The following PDS5B variants were observed in gnomAD, a reference collection of about 807,000 sequenced individuals.
The protein encoded by PDS5B is PDS5 cohesin associated factor B, also known as sister chromatid cohesion protein PDS5 homolog B.
In PDS5B, 51 loss-of-function variants were observed where a neutral mutation model predicts 184.1. That is an observed-to-expected ratio of 0.28 (90% CI 0.22 to 0.35). The LOEUF (loss-of-function observed/expected upper bound fraction) is 0.35, where lower values mean the gene tolerates loss of function less well. Ranked by LOEUF, PDS5B falls within the 10% of genes least tolerant of loss-of-function variation. PDS5B has a pLI of 1.00. For missense variants in PDS5B, 1,180 were observed against 1,723.3 expected, an observed-to-expected ratio of 0.68 and a Z score of 5.58; for synonymous variants, 566 against 569.2, an observed-to-expected ratio of 0.99 and a Z score of 0.08.
intron 1 of PDS5B, among the ~76,000 whole-genome samples, chr13:32,617,864 C>G (rs1040964070): frequency 2.6e-5 from 4 of 152,142 alleles, no homozygotes; most frequent in Non-Finnish European, 5.9e-5. Context: ...TGATTACTAA[C>G]TTAGTCCCAT....
intron 33 of PDS5B, among the ~76,000 whole-genome samples, chr13:32,772,290 A>G (rs1593665871): frequency 6.6e-6 from 1 of 152,164 alleles, no homozygotes; most frequent in Non-Finnish European, 1.5e-5. Flanking sequence ...AGATGGTTCT[A>G]TTACATATTT....
At chr13:32,630,252 C>T (rs1035516564) in intron 1 of PDS5B, among the ~76,000 whole-genome samples, 1 of 152,150 alleles carries the variant, frequency 6.6e-6, no homozygotes, top group Non-Finnish European at 1.5e-5. Context: ...TCCTGAAGAC[C>T]ATTTATGGGT....
chr13:32,775,568 C>T lies in PDS5B; in HGVS notation c.*516C>T, dbSNP rs114477441. 8.9e-4 allele frequency: 382 copies of T among 431,196 alleles called. 1 individual carries two copies. The highest frequency in any genetic ancestry group is 7.2e-3 in the African/African-American group (351 of 48,832). 26.7% of individuals were successfully genotyped at this position (431,196 alleles called of 1,614,324 possible). A position where few individuals can be genotyped will look rare whatever the true frequency, so the allele number is the denominator to read the frequency against. The stretch of plus-strand genomic sequence containing the variant: ...TGTTGGAGAGTTAAATGGTCTCTTC[C>T]CTTTGTGTATCTTACCTAGTGTTTA... On this transcript the variant is annotated 3_prime_UTR_variant, in exon 35 of 35. Transcript: ENST00000315596.
chr13:32,698,543 T>C (rs1951772425), intron 15 of PDS5B, among the ~76,000 whole-genome samples: 1 of 152,170 alleles, frequency 6.6e-6, no homozygotes, highest in Non-Finnish European at 1.5e-5. Context: ...TGCAGATTTT[T>C]TTCTATTACA....
chr13:32,718,823 G>A (rs1411918093), intron 19 of PDS5B, among the ~76,000 whole-genome samples: 1 of 152,142 alleles, frequency 6.6e-6, no homozygotes, highest in Non-Finnish European at 1.5e-5. Flanking sequence ...TATTATGGGA[G>A]TAAACATCAG....
At chr13:32,703,407 G>T (rs1332693798) in intron 17 of PDS5B, among the ~76,000 whole-genome samples, 2 of 152,120 alleles carry the variant, frequency 1.3e-5, no homozygotes, top group Admixed American at 6.5e-5. Context: ...GAATCAGAAG[G>T]TCATAGTGAT....
At chr13:32,704,704 T>C (rs1593467766) in intron 17 of PDS5B, among the ~76,000 whole-genome samples, 1 of 152,340 alleles carries the variant, frequency 6.6e-6, no homozygotes, top group South Asian at 2.1e-4. Context: ...GAGGAAGTTC[T>C]TTCATCCCTC....
rs1951768799 is a variant in PDS5B, at chr13:32,698,401, T to C, written c.1601-1329T>C. On this transcript the variant is annotated intron_variant, in intron 15 of 34. Coordinates refer to ENST00000315596, the MANE Select transcript of PDS5B (RefSeq NM_015032.4). ...CTACTAGTGGTCTTTGGAACACAGA[T>C]TGCGAAGTGCTGCACTAGCAGTTTT... 2.0e-5 allele frequency among the ~76,000 whole-genome samples: 3 copies of C among 152,192 alleles called. No homozygotes were observed. In the South Asian group the frequency reaches 6.2e-4, roughly 32 times the overall value.
At chr13:32,602,614 T>C (rs1351358257) in intron 1 of PDS5B, among the ~76,000 whole-genome samples, 1 of 152,228 alleles carries the variant, frequency 6.6e-6, no homozygotes, top group Non-Finnish European at 1.5e-5. Context: ...ATATACCCAG[T>C]AATGGGATGG....
At chr13:32,685,949 A>C (rs1333466125) in intron 11 of PDS5B, among the ~76,000 whole-genome samples, 1 of 152,174 alleles carries the variant, frequency 6.6e-6, no homozygotes, top group African/African-American at 2.4e-5. Flanking sequence ...CTGAAATCTT[A>C]TAAGACCTGT....
At chr13:32,594,276 C>CTG (rs1555285447) in intron 1 of PDS5B, among the ~76,000 whole-genome samples, 1 of 151,870 alleles carries the variant, frequency 6.6e-6, no homozygotes, top group African/African-American at 2.4e-5. Flanking sequence ...TGCAGGGAGA[C>CTG]TGTGTGGCAA....
In PDS5B at chr13:32,655,376, T is replaced by TATATA. The variant is rs1566290689; in HGVS notation, c.313-2863_313-2862insATATA. ...TTCTTTGCCATATATATATATATATTTTTTTTTTTTTTTTTTTTTTTAGAT... is the reference window on the plus strand; with the variant it reads ...TTCTTTGCCATATATATATATATATTATATATTTTTTTTTTTTTTTTTTTTTAGAT... On this transcript the variant is annotated intron_variant, in intron 3 of 34. Coordinates refer to ENST00000315596, the MANE Select transcript of PDS5B (RefSeq NM_015032.4). Among the ~76,000 whole-genome samples, 18 of 63,408 alleles carry TATATA rather than the reference T, an allele frequency of 2.8e-4. No homozygotes were observed. In the East Asian group the frequency reaches 6.6e-3, roughly 23 times the overall value. 41.6% of individuals were successfully genotyped at this position (63,408 alleles called of 152,430 possible).
chr13:32,632,976 C>T (rs1426016179), intron 1 of PDS5B, among the ~76,000 whole-genome samples: 1 of 152,156 alleles, frequency 6.6e-6, no homozygotes, highest in East Asian at 1.9e-4. Context: ...TGGCGCGCGC[C>T]TGTGGTCCCA....
At chr13:32,716,734 C>G (rs1952442425) in intron 19 of PDS5B, among the ~76,000 whole-genome samples, 1 of 135,778 alleles carries the variant, frequency 7.4e-6, no homozygotes, top group African/African-American at 2.7e-5. Context: ...GCCCAGCCGC[C>G]CCTACTGGGA....
chr13:32,694,878 A>G (rs1195161120), intron 14 of PDS5B, among the ~76,000 whole-genome samples: 2 of 151,260 alleles, frequency 1.3e-5, no homozygotes, highest in African/African-American at 4.9e-5. Context: ...CTGTATGTAG[A>G]CATGTAAAAG....
intron 19 of PDS5B, among the ~76,000 whole-genome samples, chr13:32,722,559 A>G (rs1270746941): frequency 2.0e-5 from 3 of 152,110 alleles, no homozygotes; most frequent in Admixed American, 1.3e-4. Flanking sequence ...ATCTAGGTTT[A>G]TGTAAGTTTA....
In PDS5B at chr13:32,777,439, G is replaced by A. The variant is rs553646690; in HGVS notation, c.*2387G>A. The A allele has an allele frequency of 1.4e-5, 2 of 146,058 alleles. No homozygotes were observed. The highest frequency in any genetic ancestry group is 3.9e-4 in the East Asian group (2 of 5,064). The allele number at this position is 146,058 out of a possible 1,614,324, so 9.0% of individuals were successfully genotyped here. On this transcript the variant is annotated 3_prime_UTR_variant, in exon 35 of 35. Transcript: ENST00000315596. Reference sequence around the variant, plus strand: ...TCTCCATCTTAGGGGATTATCTTACGTTTAAGCTTAACATTTCATGTAGTA... The same window carrying A: ...TCTCCATCTTAGGGGATTATCTTACATTTAAGCTTAACATTTCATGTAGTA...
At chr13:32,744,119 A>G (rs1847685285) in intron 23 of PDS5B, among the ~76,000 whole-genome samples, 3 of 152,136 alleles carry the variant, frequency 2.0e-5, no homozygotes, top group Admixed American at 6.5e-5. Flanking sequence ...CTGAGGTTCT[A>G]CCATTTATCA....
chr13:32,774,649 T>C (rs1954898617), intron 34 of PDS5B, among the ~76,000 whole-genome samples: 1 of 152,208 alleles, frequency 6.6e-6, no homozygotes, highest in Admixed American at 6.6e-5. Context: ...TAATGTAAGT[T>C]CATAAATGTG....
Sources: gnomAD v4.1 joint callset for allele counts (sites outside exome capture counted in the v4.1 genomes callset) on GRCh38, gnomAD v4.1.1 for gene constraint, MANE v1.5 for transcripts, NCBI Gene and HGNC (gene_info 2026-07-23, HGNC 2026-07-21) for gene names.